The following EYS variants were observed in gnomAD, a reference collection of about 807,000 sequenced individuals.
The protein encoded by EYS is EGF-like photoreceptor maintenance factor.
A neutral mutation model predicts 282.1 loss-of-function variants in EYS; 250 were observed. The ratio of observed to expected loss-of-function variants is 0.89; its 90% CI spans 0.80 to 0.98. The LOEUF (loss-of-function observed/expected upper bound fraction) is 0.98. Ranked by LOEUF, EYS falls within the 50% of genes least tolerant of loss-of-function variation. EYS has a pLI of 0.00. For synonymous variants in EYS, 1,355 were observed against 1,282.9 expected (o/e 1.06, Z -1.20); for missense variants, 4,016 against 3,709.0 (o/e 1.08, Z -2.15).
intron 2 of EYS, among the ~76,000 whole-genome samples, chr6:65,636,982 G>A (rs1202182885): frequency 6.6e-6 from 1 of 152,034 alleles, no homozygotes; most frequent in Middle Eastern, 3.2e-3. Context: ...TGGATATGTT[G>A]TTTTTTTAAA....
intron 22 of EYS, chr6:64,733,519 GT>G: frequency 5.4e-6 from 1 of 183,610 alleles, no homozygotes; most frequent in Non-Finnish European, 1.2e-5. Context: ...ATGGCAACAA[GT>G]TTTTCTCTCA....
chr6:64,814,928 A>AGTG (rs1449830619), intron 21 of EYS, among the ~76,000 whole-genome samples: 2 of 152,006 alleles, frequency 1.3e-5, no homozygotes, highest in Non-Finnish European at 2.9e-5. Context: ...CTATGCTTAC[A>AGTG]AATATTTAGT....
At chr6:64,049,860 C>T (rs35524411) in intron 33 of EYS, among the ~76,000 whole-genome samples, 32,181 of 152,000 alleles carry the variant, frequency 0.21, 3,628 homozygotes, top group Middle Eastern at 0.34. Context: ...GTCATAAAAA[C>T]GGGGTTCATG....
chr6:63,850,745 C>A (rs548798406), intron 36 of EYS, among the ~76,000 whole-genome samples: 1 of 152,106 alleles, frequency 6.6e-6, no homozygotes, highest in African/African-American at 2.4e-5. Context: ...AGAACAAGAG[C>A]ATTATGAAGA....
chr6:64,697,530 C>A (rs942270510), intron 22 of EYS, among the ~76,000 whole-genome samples: 1 of 152,106 alleles, frequency 6.6e-6, no homozygotes, highest in African/African-American at 2.4e-5. Flanking sequence ...GGACTTTAGA[C>A]CAAATAAACC....
Position 65,029,489 on chromosome 6 carries a change from G to A in EYS, c.2137+28125C>T, listed in dbSNP as rs141555278. The stretch of plus-strand genomic sequence containing the variant: ...TGAACAGCATAGGTTTAAATGACAT[G>A]GGTCTATTTATATGCAAAGTTTTTC... On this transcript the variant is annotated intron_variant, in intron 13 of 42. Coordinates refer to ENST00000503581, the MANE Select transcript of EYS (RefSeq NM_001142800.2). Among the ~76,000 whole-genome samples, 155 of 152,104 alleles carry A rather than the reference G, an allele frequency of 1.0e-3. 1 individual carries two copies. Among genetic ancestry groups the A allele is most frequent in the African/African-American group, 3.7e-3 (154 of 41,500 alleles).
chr6:64,236,135 G>A (rs375931732), intron 30 of EYS, among the ~76,000 whole-genome samples: 2 of 152,074 alleles, frequency 1.3e-5, no homozygotes, highest in African/African-American at 4.8e-5. Context: ...ATGATCAAGT[G>A]GGCTTTTTTC....
At chr6:65,530,994 T>C (rs9354262) in intron 2 of EYS, among the ~76,000 whole-genome samples, 45,281 of 152,014 alleles carry the variant, frequency 0.3, 7,160 homozygotes, top group African/African-American at 0.4. Context: ...ATAAGAAAAA[T>C]AGTAATAGAT....
intron 26 of EYS, among the ~76,000 whole-genome samples, chr6:64,478,136 G>T (rs889883371): frequency 6.6e-6 from 1 of 151,920 alleles, no homozygotes; most frequent in African/African-American, 2.4e-5. Context: ...CACAGATACT[G>T]AATTTCTCTG....
chr6:64,237,925 G>C (rs1488576472), intron 30 of EYS, among the ~76,000 whole-genome samples: 1 of 152,084 alleles, frequency 6.6e-6, no homozygotes, highest in Non-Finnish European at 1.5e-5. Flanking sequence ...ATGTTAGATA[G>C]TAAAACAAAT....
chr6:64,565,892 T>C lies in EYS; in HGVS notation c.5644+24331A>G, dbSNP rs10080295. On this transcript the variant is annotated intron_variant, in intron 26 of 42. Transcript: ENST00000503581. ...CATTATATACCTTAAATAGATACAA[T>C]ACAATTCTTTAAAATTATACCTCAA... 6.8e-3 allele frequency among the ~76,000 whole-genome samples: 1,016 copies of C among 150,086 alleles called. 16 individuals are homozygous for C. The highest frequency in any genetic ancestry group is 0.024 in the African/African-American group (975 of 40,878).
At chr6:65,089,026 C>T (rs956693651) in intron 12 of EYS, among the ~76,000 whole-genome samples, 2 of 152,096 alleles carry the variant, frequency 1.3e-5, no homozygotes, top group Non-Finnish European at 2.9e-5. Context: ...GGAACCTCTA[C>T]CTAGATATCA....
At chr6:64,132,109 CA>C (rs1773997950) in intron 31 of EYS, among the ~76,000 whole-genome samples, 1 of 151,896 alleles carries the variant, frequency 6.6e-6, no homozygotes, top group Admixed American at 6.6e-5. Flanking sequence ...AAATACCTGT[CA>C]ATGATGTTTT....
chr6:64,915,339 A>G (rs1768125989), intron 15 of EYS, among the ~76,000 whole-genome samples: 1 of 152,128 alleles, frequency 6.6e-6, no homozygotes, highest in Admixed American at 6.5e-5. Flanking sequence ...CTGAATGTCT[A>G]AGAATGATCT....
chr6:63,865,123 G>A (rs1220981190), intron 35 of EYS, among the ~76,000 whole-genome samples: 1 of 152,198 alleles, frequency 6.6e-6, no homozygotes, highest in Non-Finnish European at 1.5e-5. Context: ...CAATCATAGT[G>A]TATAGTGCAG....
rs1366306163 is a variant in EYS at position 65,649,827 on chromosome 6, C to CTGT, written c.-447-9936_-447-9935insACA. Among the ~76,000 whole-genome samples the CTGT allele has an allele frequency of 2.6e-5, 4 of 151,996 alleles. No individual in the cohort carries two copies. In the East Asian group the frequency reaches 7.7e-4, roughly 29 times the overall value. ...TGGTAAAATGACACAGAGGATGAAC[C>CTGT]AAAAGTCACCTGTAGATGACAATGG... On this transcript the variant is annotated intron_variant, in intron 1 of 42. Transcript: ENST00000503581.
At chr6:65,230,265 T>C (rs1485335246) in intron 12 of EYS, among the ~76,000 whole-genome samples, 1 of 151,918 alleles carries the variant, frequency 6.6e-6, no homozygotes, top group Non-Finnish European at 1.5e-5. Context: ...TAGATTACAC[T>C]GTGTTTTGTT....
chr6:64,101,873 G>C (rs113156704), intron 31 of EYS, among the ~76,000 whole-genome samples: 1 of 151,992 alleles, frequency 6.6e-6, no homozygotes, highest in African/African-American at 2.4e-5. Context: ...GGTCCCATCT[G>C]GGGGTGATGT....
chr6:64,514,737 C>T (rs1466539415), intron 26 of EYS, among the ~76,000 whole-genome samples: 17 of 151,692 alleles, frequency 1.1e-4, no homozygotes. Context: ...CAACCTAACC[C>T]TGTCTAATAT....
Sources: gnomAD v4.1 joint callset for allele counts (sites outside exome capture counted in the v4.1 genomes callset) on GRCh38, gnomAD v4.1.1 for gene constraint, MANE v1.5 for transcripts, NCBI Gene and HGNC (gene_info 2026-07-23, HGNC 2026-07-21) for gene names.